The following CD96 variants were observed in gnomAD, a reference collection of about 807,000 sequenced individuals.
The protein encoded by CD96 is T-cell surface protein tactile.
Under a neutral mutation model 71.3 loss-of-function variants are expected in CD96, and 70 were observed. The ratio of observed to expected loss-of-function variants is 0.98; its 90% CI spans 0.81 to 1.20. CD96 has a LOEUF of 1.20. CD96 is among the 50% of genes most tolerant of loss of function. The probability of loss-of-function intolerance (pLI) is 0.00; values close to 1 mark genes in which losing one functional copy is unlikely to be tolerated. For missense variants in CD96, 742 were observed against 677.5 expected, an observed-to-expected ratio of 1.10 and a Z score of -1.06; for synonymous variants, 248 against 233.0, an observed-to-expected ratio of 1.06 and a Z score of -0.59.
At chr3:111,637,703 G>A (rs919321570) in intron 11 of CD96, among the ~76,000 whole-genome samples, 5 of 151,798 alleles carry the variant, frequency 3.3e-5, no homozygotes, top group African/African-American at 9.7e-5. Context: ...ACTTATCCAC[G>A]ACCCCCAACT....
chr3:111,562,077 T>C (rs1218544520), intron 2 of CD96, among the ~76,000 whole-genome samples: 3 of 152,226 alleles, frequency 2.0e-5, no homozygotes, highest in Non-Finnish European at 4.4e-5. Context: ...TCCCGCACGG[T>C]GCGCGCACCC....
intron 3 of CD96, among the ~76,000 whole-genome samples, chr3:111,567,979 C>G (rs1369742775): frequency 1.3e-5 from 2 of 152,212 alleles, no homozygotes; most frequent in African/African-American, 4.8e-5. Flanking sequence ...CCCCTACTCA[C>G]AGATACTTGT....
chr3:111,600,854 T>A lies in CD96; in HGVS notation c.1027T>A (p.Ser343Thr), dbSNP rs770127083. Residue 343 changes from serine to threonine, a missense_variant, in exon 7 of 14, where the codon TCT (serine) becomes ACT (threonine). Transcript: ENST00000352690. ...CTTGACCATTTGGTGTATGGCTCTG[T>A]CTCCAGTCCCAGGAAATAAAGTGTG... ...DNLTIWCMAL[S>T]PVPGNKVWNI... The A allele has an allele frequency of 6.2e-7, 1 of 1,613,164 alleles. No individual in the cohort carries two copies. Among genetic ancestry groups the A allele is most frequent in the Non-Finnish European group, 8.5e-7 (1 of 1,179,146 alleles).
intron 12 of CD96, among the ~76,000 whole-genome samples, chr3:111,644,500 G>A (rs918413374): frequency 4.6e-5 from 7 of 151,858 alleles, no homozygotes; most frequent in Non-Finnish European, 1.0e-4. Context: ...AAGATAAAAA[G>A]CAAATGCAAT....
intron 5 of CD96, chr3:111,593,924 A>C: frequency 6.2e-7 from 1 of 1,613,766 alleles, no homozygotes; most frequent in African/African-American, 1.3e-5. Context: ...AGTGGTGCCC[A>C]CGTTGACCCC....
At chr3:111,616,838 G>T (rs1938264591) in intron 8 of CD96, among the ~76,000 whole-genome samples, 1 of 152,152 alleles carries the variant, frequency 6.6e-6, no homozygotes, top group African/African-American at 2.4e-5. Flanking sequence ...GGAGCCCTGG[G>T]CTTTCAGGGC....
chr3:111,656,828 T>C (rs1300090751), downstream of CD96, among the ~76,000 whole-genome samples: 2 of 152,100 alleles, frequency 1.3e-5, no homozygotes, highest in African/African-American at 4.8e-5. Context: ...TGTATATGCC[T>C]ATTTTTACAA....
chr3:111,620,492 T>C (rs1311761037), intron 8 of CD96, among the ~76,000 whole-genome samples: 2 of 152,270 alleles, frequency 1.3e-5, no homozygotes, highest in African/African-American at 4.8e-5. Context: ...ACTACATAGT[T>C]CTCTAAAAGA....
chr3:111,622,072 G>A (rs1938542623), intron 8 of CD96, among the ~76,000 whole-genome samples: 1 of 152,164 alleles, frequency 6.6e-6, no homozygotes, highest in Non-Finnish European at 1.5e-5. Context: ...GATTCTGCCA[G>A]TGAGAAGTTA....
At chr3:111,653,343 A>G (rs920802082), downstream of CD96, among the ~76,000 whole-genome samples, 1 of 152,250 alleles carries the variant, frequency 6.6e-6, no homozygotes, top group East Asian at 1.9e-4. Context: ...GTTATTACAC[A>G]ACATTGTAGC....
intron 8 of CD96, among the ~76,000 whole-genome samples, chr3:111,618,041 G>A (rs533171355): frequency 5.3e-5 from 8 of 152,346 alleles, no homozygotes; most frequent in South Asian, 2.1e-4. Context: ...ACACAGAGTC[G>A]GCACCCATGC....
At chr3:111,601,018 A>G in intron 7 of CD96, 104 bp downstream of exon 7, 1 of 751,190 alleles carries the variant, frequency 1.3e-6, no homozygotes. Context: ...TTTTAATCTC[A>G]GAAAACTTTT....
intron 6 of CD96, among the ~76,000 whole-genome samples, chr3:111,599,170 G>A (rs1576371181): frequency 6.6e-6 from 1 of 151,794 alleles, no homozygotes. Context: ...GGGTTTCACC[G>A]TGTTAGCCAG....
intron 12 of CD96, among the ~76,000 whole-genome samples, chr3:111,647,111 C>G (rs1375843272): frequency 6.8e-6 from 1 of 146,702 alleles, no homozygotes; most frequent in Non-Finnish European, 1.5e-5. Flanking sequence ...AAAAAAAAAC[C>G]CTACCTGTCA....
chr3:111,554,758 C>T (rs1389741191), intron 2 of CD96, among the ~76,000 whole-genome samples: 1 of 151,986 alleles, frequency 6.6e-6, no homozygotes, highest in Non-Finnish European at 1.5e-5. Flanking sequence ...AAGCCTATTA[C>T]ATTTATTGTG....
At chr3:111,638,214 C>A in intron 12 of CD96, 46 bp downstream of exon 12, 2 of 1,147,770 alleles carry the variant, frequency 1.7e-6, no homozygotes, top group Non-Finnish European at 2.7e-6. Flanking sequence ...TTTATTCACT[C>A]AATAAATATT....
chr3:111,555,960 C>A (rs1460832543), intron 2 of CD96, among the ~76,000 whole-genome samples: 1 of 152,274 alleles, frequency 6.6e-6, no homozygotes, highest in Non-Finnish European at 1.5e-5. Flanking sequence ...TCTTTCAATC[C>A]TTTTTCTCCC....
At position 111,587,167 on chromosome 3, in the gene CD96, A is replaced by T. The variant is rs189243313; in HGVS notation, c.807+1789A>T. Among the ~76,000 whole-genome samples the T allele has an allele frequency of 3.5e-4, 53 of 152,358 alleles. No homozygotes were observed. The East Asian group carries it at 9.5e-3, about 27-fold the overall frequency. On this transcript the variant is annotated intron_variant, in intron 5 of 13. Coordinates refer to ENST00000352690, the MANE Select transcript of CD96 (RefSeq NM_005816.5). ...CTCCAAAATGATCTCCTTTGACTCC[A>T]AGACTCATATCCAGGTCATACAGAT...
At chr3:111,555,696 G>A (rs1934970394) in intron 2 of CD96, among the ~76,000 whole-genome samples, 1 of 152,292 alleles carries the variant, frequency 6.6e-6, no homozygotes, top group Non-Finnish European at 1.5e-5. Flanking sequence ...ATTATGATGT[G>A]TCTTTTGGCT....
Sources: allele counts gnomAD v4.1 joint callset (sites outside exome capture counted in the v4.1 genomes callset), GRCh38; gene constraint gnomAD v4.1.1; transcripts MANE v1.5; gene names NCBI Gene and HGNC (gene_info 2026-07-23, HGNC 2026-07-21).